Variants in CALD1 observed in about 807,000 individuals in gnomAD.
The protein encoded by CALD1 is caldesmon.
In CALD1, 33 loss-of-function variants were observed where a neutral mutation model predicts 99.9. The observed-to-expected ratio is 0.33, with a 90% CI of 0.25 to 0.44. The LOEUF (loss-of-function observed/expected upper bound fraction) is 0.44. CALD1 is among the 20% of genes least tolerant of loss of function. CALD1 has a pLI of 1.00. For synonymous variants in CALD1, 310 were observed against 325.0 expected (o/e 0.95, Z 0.50); for missense variants, 861 against 962.1 (o/e 0.89, Z 1.39).
At chr7:134,919,153 T>C (rs1183970746) in intron 3 of CALD1, among the ~76,000 whole-genome samples, 3 of 152,296 alleles carry the variant, frequency 2.0e-5, no homozygotes, top group Non-Finnish European at 1.5e-5. Context: ...CCTGTGAATA[T>C]GTGCATGGAT....
chr7:134,873,609 T>A (rs1047093741), intron 3 of CALD1, among the ~76,000 whole-genome samples: 5 of 152,228 alleles, frequency 3.3e-5, no homozygotes, highest in African/African-American at 1.2e-4. Context: ...TCTATATGAA[T>A]GAGGCAACCC....
chr7:134,899,181 G>A (rs1298266585), intron 3 of CALD1, among the ~76,000 whole-genome samples: 1 of 150,312 alleles, frequency 6.7e-6, no homozygotes, highest in Non-Finnish European at 1.5e-5. Flanking sequence ...ACAGACATTG[G>A]TTAGAACAAA....
chr7:134,847,094 T>C (rs1799882130), intron 2 of CALD1, among the ~76,000 whole-genome samples: 1 of 152,192 alleles, frequency 6.6e-6, no homozygotes, highest in Non-Finnish European at 1.5e-5. Flanking sequence ...TATGAGCACG[T>C]AAAAGAAGTG....
At chr7:134,919,467 T>C (rs749002259) in intron 3 of CALD1, among the ~76,000 whole-genome samples, 6 of 152,232 alleles carry the variant, frequency 3.9e-5, no homozygotes, top group African/African-American at 9.6e-5. Flanking sequence ...CATCCAATTA[T>C]GGGATGTCAC....
chr7:134,915,641 T>TGA (rs1804151316), intron 3 of CALD1, among the ~76,000 whole-genome samples: 1 of 152,240 alleles, frequency 6.6e-6, no homozygotes, highest in South Asian at 2.1e-4. Flanking sequence ...CTCAGAGTCC[T>TGA]GATTCCCTGA....
chr7:134,947,771 T>C lies in CALD1; in HGVS notation c.1794+2T>C. Reference sequence around the variant, plus strand: ...GCCGATCGAAAACTCAGAGAGGAGGTAAGGCGGGCGCTAGCCCACTGAGAA... The same window carrying C: ...GCCGATCGAAAACTCAGAGAGGAGGCAAGGCGGGCGCTAGCCCACTGAGAA... On this transcript the variant is annotated splice_donor_variant, in intron 8 of 14. Coordinates refer to ENST00000361675, the MANE Select transcript of CALD1 (RefSeq NM_033138.4). LOFTEE classifies it high-confidence loss of function. 6.2e-7 allele frequency: 1 copy of C among 1,613,110 alleles called. No homozygotes were observed. The highest frequency in any genetic ancestry group is 1.1e-5 in the South Asian group (1 of 91,046).
chr7:134,732,683 C>G, the CALD1 span, among the ~76,000 whole-genome samples: 1 of 152,246 alleles, frequency 6.6e-6, no homozygotes, highest in South Asian at 2.1e-4. Context: ...GACAGGTTCT[C>G]TACCTCTGTC....
chr7:134,947,579 G>C lies in CALD1; in HGVS notation c.1604G>C (p.Arg535Thr). ...GCCCCCCAGGTGGAAGCCGGCAAAA[G>C]GCTGGAGGAGCTTCGTCGTCGTCGC... is the stretch of plus-strand genomic sequence containing the variant. The part of the protein sequence containing the change: ...EGAPQVEAGK[R>T]LEELRRRRGE... The change falls in exon 8 of 15, where the codon AGG becomes ACG. Residue 535 changes from arginine to threonine, a missense_variant. Physicochemically the swap from Arg to Thr is moderately conservative, Grantham distance 71 (BLOSUM62 -1). Coordinates refer to ENST00000361675, the MANE Select transcript of CALD1 (RefSeq NM_033138.4). The C allele has an allele frequency of 6.4e-7, 1 of 1,561,940 alleles. No individual in the cohort carries two copies. The highest frequency in any genetic ancestry group is 8.7e-7 in the Non-Finnish European group (1 of 1,152,684).
At chr7:134,796,885 C>G (rs748017656) in intron 1 of CALD1, among the ~76,000 whole-genome samples, 2 of 152,140 alleles carry the variant, frequency 1.3e-5, no homozygotes, top group Non-Finnish European at 2.9e-5. Context: ...CACACTGGCC[C>G]CATCCTCATC....
intron 1 of CALD1, among the ~76,000 whole-genome samples, chr7:134,761,575 T>C (rs1796778987): frequency 6.6e-6 from 1 of 152,260 alleles, no homozygotes; most frequent in South Asian, 2.1e-4. Context: ...TTGATCTTCA[T>C]ATCAACTCTT....
intron 1 of CALD1, among the ~76,000 whole-genome samples, chr7:134,768,519 T>A (rs1240824426): frequency 1.3e-5 from 2 of 152,176 alleles, no homozygotes; most frequent in Non-Finnish European, 1.5e-5. Flanking sequence ...AGGTCCATTC[T>A]CCTGCTAGTT....
intron 1 of CALD1, among the ~76,000 whole-genome samples, chr7:134,757,715 C>T (rs555699967): frequency 6.6e-6 from 1 of 152,054 alleles, no homozygotes; most frequent in African/African-American, 2.4e-5. Flanking sequence ...CCTGTCTCTA[C>T]TAAAAATACA....
At chr7:134,872,357 C>G (rs966239046) in intron 3 of CALD1, among the ~76,000 whole-genome samples, 1 of 100,406 alleles carries the variant, frequency 1.0e-5, no homozygotes, top group Non-Finnish European at 2.2e-5. Flanking sequence ...GACTCGGTCT[C>G]AAAAAAAAAA....
chr7:134,713,923 G>C, the CALD1 span, among the ~76,000 whole-genome samples: 9 of 152,158 alleles, frequency 5.9e-5, no homozygotes, highest in South Asian at 6.2e-4. Flanking sequence ...AGGTCAACTT[G>C]TAATCCCCAA....
chr7:134,958,384 C>A, intron 11 of CALD1, 94 bp downstream of exon 11: 2 of 946,148 alleles, frequency 2.1e-6, no homozygotes, highest in Non-Finnish European at 3.4e-6. Context: ...ATAATCAAGT[C>A]CAATAGCCCC....
chr7:134,813,155 AT>A (rs1384328538), intron 1 of CALD1, among the ~76,000 whole-genome samples: 2 of 152,352 alleles, frequency 1.3e-5, no homozygotes, highest in African/African-American at 4.8e-5. Context: ...CTTGAAAAGC[AT>A]CAAGGATGGT....
chr7:134,913,442 A>G (rs991232236), intron 3 of CALD1, among the ~76,000 whole-genome samples: 1 of 152,206 alleles, frequency 6.6e-6, no homozygotes, highest in Non-Finnish European at 1.5e-5. Context: ...CTTTAAATGT[A>G]TCTTTGTTTT....
chr7:134,932,919 A>G, intron 4 of CALD1, 69 bp from the exon 5 acceptor site: 1 of 1,073,564 alleles, frequency 9.3e-7, no homozygotes. Flanking sequence ...TGGGTAGCAC[A>G]GGCTGTATGA....
chr7:134,864,661 A>G (rs1379793730), intron 2 of CALD1, among the ~76,000 whole-genome samples: 1 of 152,142 alleles, frequency 6.6e-6, no homozygotes. Flanking sequence ...TGGCCTCCCA[A>G]AGTGCTGGGA....
Sources: allele counts gnomAD v4.1 joint callset (sites outside exome capture counted in the v4.1 genomes callset), GRCh38; gene constraint gnomAD v4.1.1; transcripts MANE v1.5; gene names NCBI Gene and HGNC (gene_info 2026-07-23, HGNC 2026-07-21).